LARGE1: variants seen among roughly 807,000 people sequenced by gnomAD.
LARGE1 encodes the protein xylosyl- and glucuronyltransferase LARGE1.
A neutral mutation model predicts 87.6 loss-of-function variants in LARGE1; 43 were observed. The observed-to-expected ratio is 0.49, with a 90% CI of 0.38 to 0.63. LARGE1 has a LOEUF of 0.63. Among genes scored for constraint, LARGE1 ranks in the 30% least tolerant of loss-of-function variants. The pLI, the probability that LARGE1 is intolerant of heterozygous loss-of-function variation, is 0.00. For synonymous variants in LARGE1, 434 were observed against 394.6 expected (o/e 1.10, Z -1.18); for missense variants, 802 against 1,000.2 (o/e 0.80, Z 2.67).
At chr22:33,780,642 A>G (rs898179322) in intron 1 of LARGE1, among the ~76,000 whole-genome samples, 1 of 152,248 alleles carries the variant, frequency 6.6e-6, no homozygotes, top group Non-Finnish European at 1.5e-5. Context: ...TGTGGGTTCA[A>G]TAACTGATCT....
At chr22:33,487,117 C>G (rs1196802825) in intron 6 of LARGE1, among the ~76,000 whole-genome samples, 1 of 152,158 alleles carries the variant, frequency 6.6e-6, no homozygotes, top group Non-Finnish European at 1.5e-5. Context: ...CCAACAAACC[C>G]CTTAAGAAGG....
intron 11 of LARGE1, among the ~76,000 whole-genome samples, chr22:33,193,733 G>A (rs1923913929): frequency 1.3e-5 from 2 of 151,962 alleles, no homozygotes. Flanking sequence ...CATGAGAATT[G>A]CTTGAACCCG....
intron 1 of LARGE1, among the ~76,000 whole-genome samples, chr22:33,854,075 A>G (rs2063686957): frequency 1.3e-5 from 2 of 152,168 alleles, no homozygotes; most frequent in Non-Finnish European, 1.5e-5. Context: ...TGGATTAAAA[A>G]ATCTACCAAA....
At chr22:33,503,269 T>C (rs1417223869) in intron 6 of LARGE1, among the ~76,000 whole-genome samples, 2 of 150,974 alleles carry the variant, frequency 1.3e-5, no homozygotes, top group Non-Finnish European at 2.9e-5. Context: ...GTTTTTTTTT[T>C]TGTTTGAGAT....
At position 33,359,724 on chromosome 22, in the gene LARGE1, C is replaced by T. The variant is rs535679862; in HGVS notation, c.1132-21923G>A. On this transcript the variant is annotated intron_variant, in intron 9 of 14. Transcript: ENST00000397394. ...GACTACAGGCGCCCACCACCACGCC[C>T]GGCTAATTTTTTTGTATTTTTAGTA... 1.5e-4 allele frequency among the ~76,000 whole-genome samples: 22 copies of T among 148,914 alleles called. 1 individual carries two copies. The highest frequency in any genetic ancestry group is 2.7e-4 in the Non-Finnish European group (18 of 66,852).
chr22:33,666,640 G>A (rs968660894), intron 2 of LARGE1, among the ~76,000 whole-genome samples: 1 of 152,348 alleles, frequency 6.6e-6, no homozygotes, highest in Non-Finnish European at 1.5e-5. Context: ...TCAGACAGGA[G>A]AAGTGACACA....
chr22:33,128,784 T>C, the LARGE1 span, among the ~76,000 whole-genome samples: 2 of 151,984 alleles, frequency 1.3e-5, no homozygotes, highest in African/African-American at 4.8e-5. Flanking sequence ...AATGAGATCA[T>C]GTGCTTTGCA....
At chr22:33,100,636 T>C in the LARGE1 span, among the ~76,000 whole-genome samples, 1 of 152,294 alleles carries the variant, frequency 6.6e-6, no homozygotes, top group South Asian at 2.1e-4. Context: ...CGTGACCTTG[T>C]CAAAAAGCAG....
At chr22:33,674,787 G>A (rs1419795340) in intron 2 of LARGE1, among the ~76,000 whole-genome samples, 2 of 152,180 alleles carry the variant, frequency 1.3e-5, no homozygotes, top group East Asian at 1.9e-4. Context: ...TTCATGAGCT[G>A]TCTTGGCAGC....
chr22:33,408,552 A>C (rs1405327895), intron 7 of LARGE1, among the ~76,000 whole-genome samples: 2 of 152,154 alleles, frequency 1.3e-5, no homozygotes, highest in African/African-American at 4.8e-5. Context: ...AATATTAGTG[A>C]TTCCATCTTG....
At chr22:33,917,088 G>C (rs962000585) in intron 1 of LARGE1, among the ~76,000 whole-genome samples, 2 of 152,222 alleles carry the variant, frequency 1.3e-5, no homozygotes, top group African/African-American at 4.8e-5. Flanking sequence ...CAAGGGAAAA[G>C]TAATAACTCA....
chr22:33,625,683 T>A (rs2079898538), intron 4 of LARGE1, among the ~76,000 whole-genome samples: 1 of 152,234 alleles, frequency 6.6e-6, no homozygotes, highest in Non-Finnish European at 1.5e-5. Flanking sequence ...TTGACTTGCA[T>A]ATGGCCTCCT....
At chr22:33,480,886 A>G (rs1279260251) in intron 6 of LARGE1, among the ~76,000 whole-genome samples, 3 of 152,138 alleles carry the variant, frequency 2.0e-5, no homozygotes, top group Admixed American at 2.0e-4. Flanking sequence ...ACATTTCCTC[A>G]TGTCGACACT....
chr22:33,144,564 G>A, the LARGE1 span, among the ~76,000 whole-genome samples: 8 of 152,248 alleles, frequency 5.3e-5, no homozygotes, highest in African/African-American at 1.7e-4. Context: ...GTGCTGCAAA[G>A]GGTTTAATAT....
Position 33,274,365 on chromosome 22 carries a change from C to G in LARGE1, c.*62G>C, listed in dbSNP as rs1928731006. ...TCAATTTTGAATTTGAAGGCCGGGC[C>G]CCAAACAGCGAGTGGCACTTCCCCT... is the stretch of plus-strand genomic sequence containing the variant. On this transcript the variant is annotated 3_prime_UTR_variant, in exon 15 of 15. Coordinates refer to ENST00000397394, the MANE Select transcript of LARGE1 (RefSeq NM_133642.5). The G allele has an allele frequency of 5.8e-6, 9 of 1,543,844 alleles. No individual in the cohort carries two copies. The highest frequency in any genetic ancestry group is 8.1e-6 in the Non-Finnish European group (9 of 1,116,156).
chr22:33,307,204 A>T (rs367879103), intron 11 of LARGE1, among the ~76,000 whole-genome samples: 10 of 152,320 alleles, frequency 6.6e-5, no homozygotes, highest in African/African-American at 2.4e-4. Context: ...CACTGTGGCT[A>T]TCATATTTAA....
At chr22:33,717,829 A>G (rs1382902431) in intron 2 of LARGE1, among the ~76,000 whole-genome samples, 2 of 152,226 alleles carry the variant, frequency 1.3e-5, no homozygotes, top group African/African-American at 2.4e-5. Context: ...GCATTCTGCC[A>G]AAGTCGCTTT....
At chr22:33,759,195 C>A (rs2145711247) in intron 2 of LARGE1, among the ~76,000 whole-genome samples, 1 of 152,342 alleles carries the variant, frequency 6.6e-6, no homozygotes, top group South Asian at 2.1e-4. Context: ...TCTGAACTTA[C>A]AAATCCTATT....
At chr22:33,104,961 CT>C in the LARGE1 span, among the ~76,000 whole-genome samples, 1 of 144,650 alleles carries the variant, frequency 6.9e-6, no homozygotes, top group East Asian at 2.1e-4. Flanking sequence ...TTCTCTCTTT[CT>C]CTCTTTCTTT....
Sources: allele counts gnomAD v4.1 joint callset (sites outside exome capture counted in the v4.1 genomes callset), GRCh38; gene constraint gnomAD v4.1.1; transcripts MANE v1.5; gene names NCBI Gene and HGNC (gene_info 2026-07-23, HGNC 2026-07-21).